NAV1: variants seen among roughly 807,000 people sequenced by gnomAD.
NAV1 encodes the protein neuron navigator 1.
In NAV1, 18 loss-of-function variants were observed where a neutral mutation model predicts 175.2. That is an observed-to-expected ratio of 0.10 (90% confidence interval 0.07 to 0.15). The LOEUF (loss-of-function observed/expected upper bound fraction) is 0.15. Ranked by LOEUF, NAV1 falls within the 10% of genes least tolerant of loss-of-function variation. The pLI is 1.00. For missense variants in NAV1, 1,731 were observed against 2,436.6 expected, an observed-to-expected ratio of 0.71 and a Z score of 6.10; for synonymous variants, 897 against 978.7, an observed-to-expected ratio of 0.92 and a Z score of 1.56.
At chr1:201,819,721 G>A in intron 29 of NAV1, 116 bp from the exon 34 acceptor site, 1 of 804,150 alleles carries the variant, frequency 1.2e-6, no homozygotes, top group Admixed American at 2.3e-5. Flanking sequence ...CTGGCTTCAA[G>A]CTATCCTTCC....
intron 2 of NAV1, among the ~76,000 whole-genome samples, chr1:201,593,084 C>T (rs1243648559): frequency 6.6e-6 from 1 of 152,134 alleles, no homozygotes; most frequent in Non-Finnish European, 1.5e-5. Context: ...GCAGTGTTGC[C>T]CCATCTGGCA....
chr1:201,703,385 C>T (rs777026528), intron 1 of NAV1, among the ~76,000 whole-genome samples: 16 of 152,158 alleles, frequency 1.1e-4, no homozygotes, highest in Non-Finnish European at 2.1e-4. Context: ...AGAATATGTT[C>T]GAGAGTCTGC....
At chr1:201,671,780 G>T (rs1199043411) in intron 1 of NAV1, among the ~76,000 whole-genome samples, 2 of 152,140 alleles carry the variant, frequency 1.3e-5, no homozygotes, top group Admixed American at 1.3e-4. Flanking sequence ...TCTGGTCTGG[G>T]AGTTCCCATG....
intron 3 of NAV1, among the ~76,000 whole-genome samples, chr1:201,731,486 C>T (rs1294931230): frequency 2.6e-5 from 4 of 152,136 alleles, no homozygotes; most frequent in African/African-American, 9.7e-5. Context: ...TCTCACCAGC[C>T]TACCCCCCTT....
At chr1:201,722,923 G>A (rs1467151475) in intron 3 of NAV1, among the ~76,000 whole-genome samples, 1 of 152,218 alleles carries the variant, frequency 6.6e-6, no homozygotes, top group Non-Finnish European at 1.5e-5. Flanking sequence ...CCGGCCAACT[G>A]GTGTGGGGTG....
At chr1:201,720,157 G>A (rs1488037642) in intron 3 of NAV1, among the ~76,000 whole-genome samples, 1 of 152,222 alleles carries the variant, frequency 6.6e-6, no homozygotes, top group Non-Finnish European at 1.5e-5. Context: ...GTGCTGGGCA[G>A]GAAGGAGAGC....
At chr1:201,567,901 G>A (rs1279444738) in intron 1 of NAV1, among the ~76,000 whole-genome samples, 2 of 152,098 alleles carry the variant, frequency 1.3e-5, no homozygotes, top group Non-Finnish European at 2.9e-5. Flanking sequence ...ACGGAGCAAG[G>A]GTAACTGACC....
chr1:201,712,426 C>T (rs1671944449), intron 1 of NAV1, among the ~76,000 whole-genome samples: 1 of 152,234 alleles, frequency 6.6e-6, no homozygotes. Context: ...ACCAGCACAA[C>T]CCTGGATAGG....
intron 4 of NAV1, 122 bp from the exon 9 acceptor site, chr1:201,780,890 T>A: frequency 8.6e-7 from 1 of 1,165,860 alleles, no homozygotes; most frequent in Non-Finnish European, 1.2e-6. Flanking sequence ...GTAGAAACCC[T>A]CAGTTTGACT....
chr1:201,649,368 G>A, exon 1 of NAV1: 1 of 1,606,336 alleles, frequency 6.2e-7, no homozygotes, highest in Non-Finnish European at 8.5e-7. Context: ...GGTGGACCCC[G>A]AGCTGGTGGT....
At position 201,582,143 on chromosome 1, in the gene NAV1, T is replaced by A. The variant is rs1457286560; in HGVS notation, c.-143-6396T>A. On this transcript the variant is annotated intron_variant, in intron 1 of 33. Coordinates refer to the NAV1 transcript ENST00000685211. Reference sequence around the variant, plus strand: ...CAGAGCTGCCATGTTTCACAAGTGGTCAGCAAAAGAGGAGCCATGCAGGAC... The same window carrying A: ...CAGAGCTGCCATGTTTCACAAGTGGACAGCAAAAGAGGAGCCATGCAGGAC... Among the ~76,000 whole-genome samples the A allele has an allele frequency of 2.0e-5, 3 of 152,094 alleles. No individual in the cohort carries two copies. The East Asian group carries it at 5.8e-4, about 29-fold the overall frequency.
Position 201,822,104 on chromosome 1 carries a change from A to G in NAV1, c.*2172A>G, listed in dbSNP as rs114871140. The G allele has an allele frequency of 6.3e-3, 963 of 152,810 alleles. 7 individuals are homozygous for G. The highest frequency in any genetic ancestry group is 0.022 in the African/African-American group (906 of 41,588). 9.5% of individuals were successfully genotyped at this position (152,810 alleles called of 1,614,324 possible). Reference sequence around the variant, plus strand: ...GCTCCCATGGATGACAGGGTTCTGTATGATGGAGACTATTATTGCTATTGC... The same window carrying G: ...GCTCCCATGGATGACAGGGTTCTGTGTGATGGAGACTATTATTGCTATTGC... On this transcript the variant is annotated 3_prime_UTR_variant, in exon 30 of 30. Coordinates refer to ENST00000367296, the Ensembl canonical transcript of NAV1.
At chr1:201,680,642 A>C (rs1255160524) in intron 1 of NAV1, among the ~76,000 whole-genome samples, 1 of 152,194 alleles carries the variant, frequency 6.6e-6, no homozygotes, top group African/African-American at 2.4e-5. Flanking sequence ...CCATGACTCA[A>C]ACCCCTCCCA....
chr1:201,762,918 T>C (rs1302269073), intron 3 of NAV1, among the ~76,000 whole-genome samples: 1 of 152,058 alleles, frequency 6.6e-6, no homozygotes, highest in Admixed American at 6.5e-5. Flanking sequence ...AAATTTAAAA[T>C]CAAATATCAT....
At chr1:201,739,250 G>A (rs1673251524) in intron 3 of NAV1, 1 of 152,210 alleles carries the variant, frequency 6.6e-6, no homozygotes, top group Non-Finnish European at 1.5e-5. Flanking sequence ...CTGGAGAGAT[G>A]TTAGGCCCCA....
rs760331730 is a variant in NAV1 at position 201,808,249 on chromosome 1, T to C, written c.3845+100T>C. 9.5e-5 allele frequency: 136 copies of C among 1,435,932 alleles called. No homozygotes were observed. The highest frequency in any genetic ancestry group is 3.8e-4 in the Admixed American group (20 of 52,054). The allele number at this position is 1,435,932 out of a possible 1,614,324, so 88.9% of individuals were successfully genotyped here. A position where few individuals can be genotyped will look rare whatever the true frequency, so the allele number is the denominator to read the frequency against. On this transcript the variant is annotated intron_variant, in intron 18 of 29. Coordinates refer to ENST00000367296, the Ensembl canonical transcript of NAV1. This position sits in a 1 kb window ranked among gnomAD's most constrained non-coding sequence, Gnocchi z 5.5. ...TTAGACCTTAGACAAGCAGTACTTA[T>C]TACTGACCTCTCCCTGGGCATATGA...
chr1:201,809,587 T>C, intron 22 of NAV1, 50 bp downstream of exon 26: 2 of 1,548,854 alleles, frequency 1.3e-6, no homozygotes, highest in Non-Finnish European at 8.9e-7. Context: ...TCGTGGAATA[T>C]ATATACTTTT....
At chr1:201,665,727 AATC>A (rs1192403974) in intron 1 of NAV1, among the ~76,000 whole-genome samples, 2 of 151,862 alleles carry the variant, frequency 1.3e-5, no homozygotes, top group Non-Finnish European at 2.9e-5. Context: ...ACCTTTGGAG[AATC>A]ATCATTAAGA....
Position 201,718,732 on chromosome 1 carries a change from G to A in NAV1, c.1203G>A (p.Thr401=), listed in dbSNP as rs752557069. 5.6e-6 allele frequency: 9 copies of A among 1,611,774 alleles called. 1 individual carries two copies. In the South Asian group the frequency reaches 8.8e-5, roughly 16 times the overall value. Residue 401 remains threonine, a synonymous_variant, in exon 3 of 30, where the codon ACG becomes ACA. Transcript: ENST00000367296. This position sits in a 1 kb window ranked among gnomAD's most constrained non-coding sequence, Gnocchi z 4.8. ...GTGACCTCATGGGCAAGACCATGACGGAGGATGATGACATCACTACCGGGT... is the reference window on the plus strand; with the variant it reads ...GTGACCTCATGGGCAAGACCATGACAGAGGATGATGACATCACTACCGGGT...
Sources: gnomAD v4.1 joint callset for allele counts (sites outside exome capture counted in the v4.1 genomes callset) on GRCh38, gnomAD v4.1.1 for gene constraint, Gnocchi (gnomAD v3.1) non-coding constraint, MANE v1.5 for transcripts, NCBI Gene and HGNC (gene_info 2026-07-23, HGNC 2026-07-21) for gene names.